Variants in C13orf42 observed in about 807,000 individuals in gnomAD.
C13orf42 encodes the protein uncharacterized protein C13orf42.
In C13orf42 at chr13:51,085,556, G is replaced by A. The variant is rs1431163420; in HGVS notation, c.566C>T (p.Ala189Val). Residue 189 changes from alanine (A) to valine (V), a missense_variant, in exon 3 of 4, where the codon GCC becomes GTC. By Grantham distance (64) the Ala-to-Val change is moderately conservative. Coordinates refer to ENST00000563710, the MANE Select transcript of C13orf42 (RefSeq NM_001351589.3). ...LPNEDVDFDVATSSREHSLHS... is the reference protein window; with the variant it reads ...LPNEDVDFDVVTSSREHSLHS... ...CAAGCTGTGCTCCCTGGAGCTGGTG[G>A]CCACTAGAAGAGAAAAGCATGTGAC... The A allele has an allele frequency of 1.8e-5, 7 of 398,778 alleles. No homozygotes were observed. The highest frequency in any genetic ancestry group is 4.4e-5 in the Admixed American group (1 of 22,728). The allele number at this position is 398,778 out of a possible 1,614,324, so 24.7% of individuals were successfully genotyped here.
chr13:51,103,972 C>T (rs1244969577), intron 1 of C13orf42, among the ~76,000 whole-genome samples: 1 of 152,154 alleles, frequency 6.6e-6, no homozygotes, highest in Non-Finnish European at 1.5e-5. Context: ...CACTACACAA[C>T]ATTGTGAATG....
chr13:51,130,543 G>C (rs1953608282), intron 1 of C13orf42, among the ~76,000 whole-genome samples: 1 of 152,092 alleles, frequency 6.6e-6, no homozygotes, highest in African/African-American at 2.4e-5. Context: ...GGGGATTTAT[G>C]CAAGAAATGT....
intron 1 of C13orf42, among the ~76,000 whole-genome samples, chr13:51,106,050 T>G (rs1435092778): frequency 6.6e-6 from 1 of 152,220 alleles, no homozygotes; most frequent in African/African-American, 2.4e-5. Context: ...CCTCAGTTCT[T>G]TTCCTAGTGT....
At chr13:51,159,660 G>C (rs1344401664) in intron 1 of C13orf42, among the ~76,000 whole-genome samples, 2 of 152,152 alleles carry the variant, frequency 1.3e-5, no homozygotes, top group Non-Finnish European at 2.9e-5. Flanking sequence ...CAATAAAAGA[G>C]AAATAGATCC....
At position 51,158,385 on chromosome 13, in the gene C13orf42, T is replaced by C. The variant is rs557568315; in HGVS notation, n.136+13868A>G. ...GAGCAGGGAGGGATAATTTCTACTT[T>C]GCTGGTTTGTTAAAATGTAAGTAAT... On this transcript the variant is annotated intron_variant and non_coding_transcript_variant, in intron 1 of 4. Transcript: ENST00000433280. Among the ~76,000 whole-genome samples the C allele has an allele frequency of 2.0e-4, 30 of 152,360 alleles. 1 individual carries two copies. The South Asian group carries it at 6.2e-3, about 32-fold the overall frequency.
At chr13:51,138,309 G>A (rs1460892716) in intron 1 of C13orf42, among the ~76,000 whole-genome samples, 2 of 152,298 alleles carry the variant, frequency 1.3e-5, no homozygotes, top group East Asian at 3.9e-4. Flanking sequence ...CAGTTATCTT[G>A]TACTGCACAT....
chr13:51,085,184 AATATAT>A (rs57050801), intron 3 of C13orf42, 129 bp downstream of exon 3: 58,725 of 195,496 alleles, frequency 0.3, 7,406 homozygotes, highest in South Asian at 0.43. Context: ...AGCAACAACA[AATATAT>A]ATATATATAT....
chr13:51,107,718 A>G (rs890321288), intron 1 of C13orf42, among the ~76,000 whole-genome samples: 3 of 152,244 alleles, frequency 2.0e-5, no homozygotes, highest in African/African-American at 7.2e-5. Context: ...AATGATTGAT[A>G]GTATTCACTT....
At chr13:51,169,736 A>G (rs915467455) in intron 1 of C13orf42, among the ~76,000 whole-genome samples, 1 of 152,248 alleles carries the variant, frequency 6.6e-6, no homozygotes, top group Non-Finnish European at 1.5e-5. Context: ...AAGCCTTGGC[A>G]GCTTCCATGT....
At chr13:51,163,644 T>C (rs778352026) in intron 1 of C13orf42, among the ~76,000 whole-genome samples, 5 of 152,146 alleles carry the variant, frequency 3.3e-5, no homozygotes, top group Non-Finnish European at 7.4e-5. Context: ...ATGACCTGCA[T>C]TCCAAGGAAT....
intron 1 of C13orf42, among the ~76,000 whole-genome samples, chr13:51,141,915 A>G (rs4356374): frequency 0.49 from 74,861 of 152,066 alleles, 18,563 homozygotes; most frequent in African/African-American, 0.54. Flanking sequence ...ATTATTGGTA[A>G]AGTTATATTA....
At chr13:51,129,742 G>A (rs1232957706) in intron 1 of C13orf42, among the ~76,000 whole-genome samples, 2 of 152,172 alleles carry the variant, frequency 1.3e-5, no homozygotes, top group African/African-American at 4.8e-5. Flanking sequence ...AGTGAATCTG[G>A]TGTGCTTTGT....
At chr13:51,084,487 G>A (rs1260377487) in intron 3 of C13orf42, among the ~76,000 whole-genome samples, 162 bp from the exon 4 acceptor site, 1 of 152,274 alleles carries the variant, frequency 6.6e-6, no homozygotes. Context: ...GGCCATGGGT[G>A]GACCTCAGCT....
rs1194836141 is a variant in C13orf42, at chr13:51,127,102, G to A, written n.137-13880C>T. ...GGATTACTTGAGCCAGGGAGGACAA[G>A]GCTACAGTGAGCTGTGATCACACCA... On this transcript the variant is annotated intron_variant and non_coding_transcript_variant, in intron 1 of 4. Transcript: ENST00000433280. Among the ~76,000 whole-genome samples the A allele has an allele frequency of 2.0e-5, 3 of 152,120 alleles. No homozygotes were observed. The East Asian group carries it at 5.8e-4, about 29-fold the overall frequency.
intron 1 of C13orf42, among the ~76,000 whole-genome samples, chr13:51,136,554 T>A (rs1448694172): frequency 1.3e-5 from 2 of 152,178 alleles, no homozygotes; most frequent in Non-Finnish European, 2.9e-5. Flanking sequence ...GGCTATATAC[T>A]TCAGAGCCAC....
In C13orf42 at chr13:51,084,068, T is replaced by C. The variant is rs947052583; in HGVS notation, c.*83A>G. On this transcript the variant is annotated 3_prime_UTR_variant, in exon 4 of 4. Transcript: ENST00000563710. ...CTGTGTTACAATTGGCATTTTCAACTCTACCAAATACCTCATGCTGCGCTG... is the reference window on the plus strand; with the variant it reads ...CTGTGTTACAATTGGCATTTTCAACCCTACCAAATACCTCATGCTGCGCTG... The C allele has an allele frequency of 2.5e-5, 10 of 397,698 alleles. No individual in the cohort carries two copies. Among genetic ancestry groups the C allele is most frequent in the Non-Finnish European group, 4.4e-5 (10 of 225,920 alleles). The allele number at this position is 397,698 out of a possible 1,614,324, so 24.6% of individuals were successfully genotyped here.
chr13:51,119,093 A>T (rs972643310), intron 1 of C13orf42, among the ~76,000 whole-genome samples: 4 of 151,934 alleles, frequency 2.6e-5, no homozygotes, highest in Non-Finnish European at 4.4e-5. Flanking sequence ...GGTGTATGGC[A>T]TGCCCTGGTG....
At chr13:51,096,141 A>C (rs1393621182) in intron 1 of C13orf42, among the ~76,000 whole-genome samples, 1 of 152,140 alleles carries the variant, frequency 6.6e-6, no homozygotes, top group African/African-American at 2.4e-5. Context: ...GTACAGGCTA[A>C]TTTTCCAGAG....
chr13:51,171,474 C>A (rs1158316944), intron 1 of C13orf42, among the ~76,000 whole-genome samples: 1 of 152,094 alleles, frequency 6.6e-6, no homozygotes, highest in Non-Finnish European at 1.5e-5. Flanking sequence ...CAGTACCAAC[C>A]CCAAGCGTCG....
Sources: allele counts gnomAD v4.1 joint callset (sites outside exome capture counted in the v4.1 genomes callset), GRCh38; gene constraint gnomAD v4.1.1; transcripts MANE v1.5; gene names NCBI Gene and HGNC (gene_info 2026-07-23, HGNC 2026-07-21).